The following HCLS1 variants were observed in gnomAD, a reference collection of about 807,000 sequenced individuals.
The protein encoded by HCLS1 is hematopoietic cell-specific Lyn substrate 1, also known as hematopoietic lineage cell-specific protein.
Under a neutral mutation model 68.6 loss-of-function variants are expected in HCLS1, and 44 were observed. That is an observed-to-expected ratio of 0.64 (90% CI 0.50 to 0.82). The LOEUF (loss-of-function observed/expected upper bound fraction) is 0.82. Among genes scored for constraint, HCLS1 ranks in the 40% least tolerant of loss-of-function variants. HCLS1 has a pLI of 0.00. For synonymous variants in HCLS1, 217 were observed against 225.8 expected, an observed-to-expected ratio of 0.96 and a Z score of 0.35; for missense variants, 602 against 612.1, an observed-to-expected ratio of 0.98 and a Z score of 0.17.
chr3:121,654,522 GA>G lies in HCLS1; in HGVS notation c.158+2756del, dbSNP rs1223537704. On this transcript the variant is annotated intron_variant, in intron 3 of 13. Coordinates refer to ENST00000314583, the MANE Select transcript of HCLS1 (RefSeq NM_005335.6). ...GAGAAAAGAAGGTGGAGAGAAGGGT[GA>G]TAGTTCTTGAAAACCAGGCAGTTCC... Among the ~76,000 whole-genome samples the G allele has an allele frequency of 3.3e-5, 5 of 152,276 alleles. No individual in the cohort carries two copies. The South Asian group carries it at 6.2e-4, about 19-fold the overall frequency.
At chr3:121,636,963 C>T (rs1046493475) in intron 7 of HCLS1, among the ~76,000 whole-genome samples, 183 bp downstream of exon 7, 2 of 152,050 alleles carry the variant, frequency 1.3e-5, no homozygotes, top group African/African-American at 4.8e-5. Context: ...CTGTTTTCCT[C>T]TCCATCTCTC....
At chr3:121,657,963 T>C (rs1937909060) in intron 2 of HCLS1, 1 of 343,922 alleles carries the variant, frequency 2.9e-6, no homozygotes, top group Non-Finnish European at 5.4e-6. Flanking sequence ...CCAGCTTGAA[T>C]CCTGGATCAT....
chr3:121,631,532 C>T lies in HCLS1; in HGVS notation c.*314G>A, dbSNP rs543289840. ...ACCACACAATCTAGACGTACTTTCC[C>T]GGGTAAACAAACTGGGAAGCCCAGA... is the stretch of plus-strand genomic sequence containing the variant. On this transcript the variant is annotated 3_prime_UTR_variant, in exon 14 of 14. Coordinates refer to ENST00000314583, the MANE Select transcript of HCLS1 (RefSeq NM_005335.6). The T allele has an allele frequency of 2.3e-4, 70 of 308,900 alleles. No individual in the cohort carries two copies. Among genetic ancestry groups the T allele is most frequent in the African/African-American group, 1.3e-3 (59 of 46,982 alleles). The allele number at this position is 308,900 out of a possible 1,614,324, so 19.1% of individuals were successfully genotyped here. A position where few individuals can be genotyped will look rare whatever the true frequency, so the allele number is the denominator to read the frequency against.
At chr3:121,645,208 C>T (rs2049235605) in intron 4 of HCLS1, among the ~76,000 whole-genome samples, 1 of 152,154 alleles carries the variant, frequency 6.6e-6, no homozygotes, top group Non-Finnish European at 1.5e-5. Context: ...GTAGACAGAG[C>T]AGTGTTTAAA....
intron 4 of HCLS1, among the ~76,000 whole-genome samples, chr3:121,645,242 A>T (rs1170677419): frequency 6.6e-6 from 1 of 152,208 alleles, no homozygotes; most frequent in African/African-American, 2.4e-5. Context: ...GAGCTGAAAC[A>T]AGAGCATTGT....
chr3:121,631,508 C>T lies in HCLS1; in HGVS notation c.*338G>A, dbSNP rs763426551. ...TGGGCAAATAGCACAATGAGGCAAA[C>T]CACACAATCTAGACGTACTTTCCCG... On this transcript the variant is annotated 3_prime_UTR_variant, in exon 14 of 14. Coordinates refer to ENST00000314583, the MANE Select transcript of HCLS1 (RefSeq NM_005335.6). 1.2e-5 allele frequency: 3 copies of T among 242,332 alleles called. No individual in the cohort carries two copies. The highest frequency in any genetic ancestry group is 2.4e-5 in the Non-Finnish European group (3 of 124,656). 15.0% of individuals were successfully genotyped at this position (242,332 alleles called of 1,614,324 possible).
At chr3:121,635,573 C>T (rs937902715) in intron 9 of HCLS1, among the ~76,000 whole-genome samples, 162 bp downstream of exon 9, 1 of 152,044 alleles carries the variant, frequency 6.6e-6, no homozygotes, top group African/African-American at 2.4e-5. Flanking sequence ...TCCGCCTTAC[C>T]TGGTTTTTCT....
At chr3:121,635,263 C>CTT (rs962368980) in intron 9 of HCLS1, among the ~76,000 whole-genome samples, 2 of 113,916 alleles carry the variant, frequency 1.8e-5, no homozygotes, top group African/African-American at 6.0e-5. Context: ...CTCTCTCTCT[C>CTT]TCTCTCTCTC....
chr3:121,636,589 G>GTCT, intron 7 of HCLS1, 100 bp from the exon 8 acceptor site: 1 of 904,614 alleles, frequency 1.1e-6, no homozygotes, highest in South Asian at 1.4e-5. Flanking sequence ...GAAAACAAAT[G>GTCT]TAGGAGGAAA....
At chr3:121,653,460 C>T (rs1413233606) in intron 3 of HCLS1, 3 of 152,150 alleles carry the variant, frequency 2.0e-5, no homozygotes, top group African/African-American at 7.2e-5. Context: ...TTAAAAAGTA[C>T]TCTGTGTTTT....
At chr3:121,643,074 A>G (rs1273626576) in intron 5 of HCLS1, 93 bp from the exon 6 acceptor site, 1 of 963,972 alleles carries the variant, frequency 1.0e-6, no homozygotes, top group Admixed American at 1.7e-5. Context: ...CCCCAGAGGT[A>G]GTTTGTAGGG....
At chr3:121,646,407 C>CTAATTATTAT (rs1166426192) in intron 4 of HCLS1, among the ~76,000 whole-genome samples, 2 of 77,996 alleles carry the variant, frequency 2.6e-5, no homozygotes, top group Non-Finnish European at 4.5e-5. Context: ...TAATATATTA[C>CTAATTATTAT]ATAGTAATAA....
chr3:121,642,939 T>C lies in HCLS1; in HGVS notation c.442A>G (p.Thr148Ala), dbSNP rs2049215057. ...ACAGTGTCCTTGCCTTTCTGAGATG[T>C]GTGCTTCTCCACTTCTCCTTTATAA... ...FDYKGEVEKHTSQKDYSRGFG... is the reference protein window; with the variant it reads ...FDYKGEVEKHASQKDYSRGFG... Residue 148 changes from threonine to alanine, a missense_variant, in exon 6 of 14, where the codon ACA becomes GCA. Physicochemically the swap from Thr to Ala is moderately conservative, Grantham distance 58. Coordinates refer to ENST00000314583, the MANE Select transcript of HCLS1 (RefSeq NM_005335.6). 1 of 1,613,152 alleles carries C rather than the reference T, an allele frequency of 6.2e-7. No homozygotes were observed. Among genetic ancestry groups the C allele is most frequent in the Non-Finnish European group, 8.5e-7 (1 of 1,179,134 alleles).
rs2049109774 is a variant in HCLS1 at position 121,632,495 on chromosome 3, C to T, written c.1077G>A (p.Val359=). Residue 359 remains valine (V), a synonymous_variant, in exon 12 of 14, where the codon GTG becomes GTA. Coordinates refer to ENST00000314583, the MANE Select transcript of HCLS1 (RefSeq NM_005335.6). ...LEGLQVEEEP[V]YEAEPEPEPE... ...GCTCAGGCTCAGGCTCTGCTTCGTA[C>T]ACTGGCTCTTCCTCCACCTGGAGGC... The T allele has an allele frequency of 6.2e-7, 1 of 1,614,012 alleles. No individual in the cohort carries two copies. Among genetic ancestry groups the T allele is most frequent in the Non-Finnish European group, 8.5e-7 (1 of 1,180,022 alleles).
Position 121,637,261 on chromosome 3 carries a change from G to A in HCLS1, c.455-5C>T. Reference sequence around the variant, plus strand: ...CACCAAAGCCACGAGAGTAATCTGTGGTCGAAGGAGCAGTCATGAGAGCCC... The same window carrying A: ...CACCAAAGCCACGAGAGTAATCTGTAGTCGAAGGAGCAGTCATGAGAGCCC... On this transcript the variant is annotated splice_region_variant and splice_polypyrimidine_tract_variant and intron_variant, in intron 6 of 13. Transcript: ENST00000314583. The A allele has an allele frequency of 6.2e-7, 1 of 1,605,614 alleles. No homozygotes were observed. The highest frequency in any genetic ancestry group is 8.5e-7 in the Non-Finnish European group (1 of 1,172,314).
chr3:121,654,340 T>A (rs1005034772), intron 3 of HCLS1: 4 of 152,218 alleles, frequency 2.6e-5, no homozygotes, highest in Non-Finnish European at 5.9e-5. Flanking sequence ...ATAAAAACTG[T>A]GTTTGTATTG....
intron 7 of HCLS1, 50 bp downstream of exon 7, chr3:121,637,096 A>C: frequency 2.0e-4 from 250 of 1,249,136 alleles, no homozygotes; most frequent in Non-Finnish European, 2.7e-4. Context: ...AAAGGAAGGA[A>C]GGAGATCCCT....
At chr3:121,647,519 GGAAGCCTT>G (rs779796706) in intron 3 of HCLS1, 71 bp from the exon 4 acceptor site, 114 of 1,557,942 alleles carry the variant, frequency 7.3e-5, no homozygotes, top group Non-Finnish European at 9.5e-5. Flanking sequence ...CCAGAAAAAT[GGAAGCCTT>G]GAAGTCTGTC....
chr3:121,651,598 T>G (rs980717831), intron 3 of HCLS1, among the ~76,000 whole-genome samples: 3 of 152,146 alleles, frequency 2.0e-5, no homozygotes, highest in Non-Finnish European at 2.9e-5. Context: ...TTTTTAATTT[T>G]TTTGTAGACT....
Sources: gnomAD v4.1 joint callset for allele counts (sites outside exome capture counted in the v4.1 genomes callset) on GRCh38, gnomAD v4.1.1 for gene constraint, MANE v1.5 for transcripts, NCBI Gene and HGNC (gene_info 2026-07-23, HGNC 2026-07-21) for gene names.